The following TRANK1 variants were observed in gnomAD, a reference collection of about 807,000 sequenced individuals.
TRANK1 encodes the protein tetratricopeptide repeat and ankyrin repeat containing 1.
TRANK1 carries 198 observed loss-of-function variants against 266.0 expected under a neutral mutation model. That is an observed-to-expected ratio of 0.74 (90% CI 0.66 to 0.84). The LOEUF is 0.84. Among genes scored for constraint, TRANK1 ranks in the 40% least tolerant of loss-of-function variants. The probability of loss-of-function intolerance (pLI) is 0.00; values close to 1 mark genes in which losing one functional copy is unlikely to be tolerated. For synonymous variants in TRANK1, 1,396 were observed against 1,384.1 expected (o/e 1.01, Z -0.19); for missense variants, 3,326 against 3,634.6 (o/e 0.92, Z 2.18).
chr3:36,838,542 A>G (rs1260430834), intron 19 of TRANK1, 38 bp from the exon 20 acceptor site: 1 of 1,614,028 alleles, frequency 6.2e-7, no homozygotes, highest in Non-Finnish European at 8.5e-7. Flanking sequence ...TCCACGGAAC[A>G]TTGACCCTAC....
chr3:36,923,959 T>C (rs967015437), intron 1 of TRANK1, among the ~76,000 whole-genome samples: 2 of 151,764 alleles, frequency 1.3e-5, no homozygotes, highest in African/African-American at 4.9e-5. Flanking sequence ...AGACTCTCTC[T>C]CCTATCTGGC....
intron 8 of TRANK1, among the ~76,000 whole-genome samples, chr3:36,888,532 G>A (rs1032545283): frequency 2.6e-5 from 4 of 152,284 alleles, no homozygotes; most frequent in African/African-American, 9.6e-5. Context: ...CTTCTCCTTT[G>A]TTTCCCTAGA....
chr3:36,891,196 C>A (rs1293509747), intron 7 of TRANK1, among the ~76,000 whole-genome samples: 2 of 152,068 alleles, frequency 1.3e-5, no homozygotes, highest in African/African-American at 4.8e-5. Flanking sequence ...AAAAATTAGC[C>A]AGGCGTGGTG....
chr3:36,903,625 C>G (rs2079917041), intron 2 of TRANK1, among the ~76,000 whole-genome samples: 1 of 152,232 alleles, frequency 6.6e-6, no homozygotes, highest in African/African-American at 2.4e-5. Flanking sequence ...GCCCTGGGAG[C>G]AGGGCCTATA....
intron 12 of TRANK1, 77 bp downstream of exon 12, chr3:36,858,641 G>A: frequency 3.6e-6 from 5 of 1,392,576 alleles, no homozygotes; most frequent in Non-Finnish European, 4.7e-6. Context: ...CAAAAGGAAA[G>A]ACCAGAAAAC....
intron 2 of TRANK1, among the ~76,000 whole-genome samples, chr3:36,903,758 G>T (rs141141476): frequency 1.3e-5 from 2 of 152,352 alleles, no homozygotes; most frequent in East Asian, 3.9e-4. Flanking sequence ...GCTGGAAGAT[G>T]GCCAAAGGAG....
rs2079139138 is a variant in TRANK1, at chr3:36,861,308, G to C, written c.1241-148C>G. 3 of 966,502 alleles carry C rather than the reference G, an allele frequency of 3.1e-6. No individual in the cohort carries two copies. In the East Asian group the frequency reaches 7.9e-5, roughly 25 times the overall value. The allele number at this position is 966,502 out of a possible 1,614,324, so 59.9% of individuals were successfully genotyped here. ...TGGGCCATGTTGCTTAACCACTCAT[G>C]AACATCAGTGTAATGACCTTGAGAC... On this transcript the variant is annotated intron_variant, in intron 10 of 23. Coordinates refer to ENST00000645898, the MANE Select transcript of TRANK1 (RefSeq NM_001329998.2).
intron 1 of TRANK1, among the ~76,000 whole-genome samples, chr3:36,921,624 G>A (rs941971815): frequency 6.6e-6 from 1 of 152,044 alleles, no homozygotes; most frequent in Non-Finnish European, 1.5e-5. Context: ...CTGGCTCCCT[G>A]GTACCACGTA....
chr3:36,896,060 G>C (rs748391128), intron 4 of TRANK1, among the ~76,000 whole-genome samples: 17 of 152,178 alleles, frequency 1.1e-4, no homozygotes, highest in Non-Finnish European at 2.1e-4. Flanking sequence ...CACTAAGGAA[G>C]TGCCTATTAT....
At chr3:36,893,387 C>T (rs774336721) in intron 5 of TRANK1, among the ~76,000 whole-genome samples, 8 of 152,110 alleles carry the variant, frequency 5.3e-5, no homozygotes, top group Non-Finnish European at 1.2e-4. Context: ...CTCACATCAG[C>T]GTTTTAAAAG....
intron 9 of TRANK1, among the ~76,000 whole-genome samples, chr3:36,866,082 A>AAG (rs1020493602): frequency 6.6e-6 from 1 of 151,510 alleles, no homozygotes; most frequent in Admixed American, 6.6e-5. Context: ...GAAAGAAAGA[A>AAG]AGAAAGAAAG....
chr3:36,892,274 A>T lies in TRANK1; in HGVS notation c.703T>A (p.Ser235Thr). 6.5e-7 allele frequency: 1 copy of T among 1,537,214 alleles called. No individual in the cohort carries two copies. The highest frequency in any genetic ancestry group is 8.7e-7 in the Non-Finnish European group (1 of 1,146,892). ...QVPKLVQWLI[S>T]IGASVETIGP... The stretch of plus-strand genomic sequence containing the variant: ...ATAGTCTCAACACTTGCACCAATGG[A>T]GATGAGCCACTGGACTAACTTGGGC... Residue 235 changes from serine (S) to threonine (T), a missense_variant, in exon 7 of 24, where the codon TCC becomes ACC. By Grantham distance (58) the Ser-to-Thr change is moderately conservative. Transcript: ENST00000645898.
intron 7 of TRANK1, among the ~76,000 whole-genome samples, chr3:36,891,451 C>T (rs543654036): frequency 9.2e-5 from 14 of 152,330 alleles, no homozygotes; most frequent in African/African-American, 3.1e-4. Context: ...TGGCCACCTC[C>T]CACACCCCCA....
chr3:36,896,430 A>ATAT (rs2079790524), intron 4 of TRANK1, among the ~76,000 whole-genome samples: 1 of 152,246 alleles, frequency 6.6e-6, no homozygotes. Context: ...ATATCAAAAC[A>ATAT]AACGCATACT....
chr3:36,941,632 C>T (rs930738667), intron 1 of TRANK1, among the ~76,000 whole-genome samples: 1 of 152,158 alleles, frequency 6.6e-6, no homozygotes, highest in Non-Finnish European at 1.5e-5. Flanking sequence ...GGCACTGTGA[C>T]ATTTTTGTGT....
intron 8 of TRANK1, among the ~76,000 whole-genome samples, chr3:36,874,922 G>A (rs1351131178): frequency 6.6e-6 from 1 of 151,184 alleles, no homozygotes; most frequent in Non-Finnish European, 1.5e-5. Context: ...AGAGTTAAAT[G>A]ACTCAATGCC....
At chr3:36,878,659 G>A (rs1234372800) in intron 8 of TRANK1, among the ~76,000 whole-genome samples, 1 of 151,354 alleles carries the variant, frequency 6.6e-6, no homozygotes, top group Non-Finnish European at 1.5e-5. Context: ...CACTTATCAG[G>A]TACTATACGT....
intron 1 of TRANK1, 124 bp downstream of exon 1, chr3:36,944,663 C>G: frequency 2.5e-6 from 3 of 1,179,950 alleles, no homozygotes; most frequent in Non-Finnish European, 3.5e-6. Flanking sequence ...CAGGGATGGC[C>G]GGGCGGGCCC....
At chr3:36,888,096 C>T (rs1019828366) in intron 8 of TRANK1, among the ~76,000 whole-genome samples, 2 of 152,154 alleles carry the variant, frequency 1.3e-5, no homozygotes, top group African/African-American at 2.4e-5. Flanking sequence ...ACAACCCAAA[C>T]GCCCATCAAC....
Sources: gnomAD v4.1 joint callset for allele counts (sites outside exome capture counted in the v4.1 genomes callset) on GRCh38, gnomAD v4.1.1 for gene constraint, MANE v1.5 for transcripts, NCBI Gene and HGNC (gene_info 2026-07-23, HGNC 2026-07-21) for gene names.